The following DPP6 variants were observed in gnomAD, a reference collection of about 807,000 sequenced individuals.
The protein encoded by DPP6 is A-type potassium channel modulatory protein DPP6.
Under a neutral mutation model 122.6 loss-of-function variants are expected in DPP6, and 69 were observed. That is an observed-to-expected ratio of 0.56 (90% CI 0.46 to 0.69). DPP6 has a LOEUF of 0.69. DPP6 is among the 30% of genes least tolerant of loss of function. DPP6 has a pLI of 0.00. For missense variants in DPP6, 928 were observed against 1,116.9 expected, an observed-to-expected ratio of 0.83 and a Z score of 2.41; for synonymous variants, 418 against 433.1, an observed-to-expected ratio of 0.97 and a Z score of 0.43.
intron 1 of DPP6, among the ~76,000 whole-genome samples, chr7:154,242,381 A>AGTGTGTGTGT (rs139152037): frequency 6.7e-6 from 1 of 150,194 alleles, no homozygotes; most frequent in Non-Finnish European, 1.5e-5. Context: ...AGAGGCAATG[A>AGTGTGTGTGT]GTGTGTGTGT....
intron 1 of DPP6, among the ~76,000 whole-genome samples, chr7:154,093,380 C>A (rs1324184825): frequency 2.0e-5 from 3 of 147,588 alleles, no homozygotes; most frequent in African/African-American, 7.6e-5. Flanking sequence ...ACATAACACA[C>A]CACATGCCAC....
intron 1 of DPP6, among the ~76,000 whole-genome samples, chr7:154,382,014 AG>A (rs1813656433): frequency 6.6e-6 from 1 of 151,182 alleles, no homozygotes; most frequent in Non-Finnish European, 1.5e-5. Context: ...CATGCAAACC[AG>A]GTTTTCCTGT....
At chr7:154,204,761 G>A (rs1405795865) in intron 1 of DPP6, among the ~76,000 whole-genome samples, 1 of 150,146 alleles carries the variant, frequency 6.7e-6, no homozygotes, top group Non-Finnish European at 1.5e-5. Flanking sequence ...ACCTAGGACT[G>A]CTCTTAACTA....
intron 1 of DPP6, among the ~76,000 whole-genome samples, chr7:154,365,665 G>A (rs188929068): frequency 2.6e-5 from 4 of 152,138 alleles, no homozygotes; most frequent in African/African-American, 9.7e-5. Context: ...TTAAAAGTGG[G>A]GAAGGGGGCC....
At chr7:154,107,623 C>T (rs1405055562) in intron 1 of DPP6, among the ~76,000 whole-genome samples, 2 of 152,198 alleles carry the variant, frequency 1.3e-5, no homozygotes, top group Non-Finnish European at 2.9e-5. Context: ...TGTTAACTAG[C>T]TTGATATAAG....
At chr7:154,795,694 CTGCCGTG>C (rs1798000908) in intron 11 of DPP6, 144 bp from the exon 12 acceptor site, 6 of 1,125,034 alleles carry the variant, frequency 5.3e-6, no homozygotes, top group East Asian at 2.6e-5. Flanking sequence ...CCTCCCAGAG[CTGCCGTG>C]GCAGCTGTGC....
intron 8 of DPP6, among the ~76,000 whole-genome samples, chr7:154,738,166 A>T (rs1232935071): frequency 1.3e-5 from 2 of 152,216 alleles, no homozygotes; most frequent in Non-Finnish European, 2.9e-5. Flanking sequence ...CAGAGAATTT[A>T]CCATGGAAAA....
At chr7:154,383,371 C>T (rs928243034) in intron 1 of DPP6, among the ~76,000 whole-genome samples, 2 of 152,186 alleles carry the variant, frequency 1.3e-5, no homozygotes, top group Non-Finnish European at 2.9e-5. Context: ...CCTATTTCTT[C>T]TGGCTCCTCT....
chr7:154,125,419 G>A (rs1414300867), intron 1 of DPP6, among the ~76,000 whole-genome samples: 9 of 152,190 alleles, frequency 5.9e-5, no homozygotes, highest in Middle Eastern at 3.4e-3. Flanking sequence ...AAAAGTAGTC[G>A]CATTAGAGAA....
Position 154,892,647 on chromosome 7 carries a change from C to T in DPP6, c.*167C>T. The T allele has an allele frequency of 7.2e-7, 1 of 1,384,048 alleles. No individual in the cohort carries two copies. The highest frequency in any genetic ancestry group is 9.9e-7 in the Non-Finnish European group (1 of 1,006,170). 85.7% of individuals were successfully genotyped at this position (1,384,048 alleles called of 1,614,324 possible). A position where few individuals can be genotyped will look rare whatever the true frequency, so the allele number is the denominator to read the frequency against. On this transcript the variant is annotated 3_prime_UTR_variant, in exon 26 of 26. Transcript: ENST00000377770. ...GGCAGTTTTGCTTGGGAAACAAGCT[C>T]CTTCCCCGGGGTCATCACTCACGGC...
intron 1 of DPP6, among the ~76,000 whole-genome samples, chr7:154,397,354 T>C (rs566444517): frequency 3.0e-4 from 46 of 152,232 alleles, no homozygotes; most frequent in African/African-American, 1.1e-3. Context: ...GAAGAGACAA[T>C]CTGCCTGAGA....
Position 154,018,963 on chromosome 7 carries a change from A to G in DPP6, c.51+131229A>G, listed in dbSNP as rs576534681. The stretch of plus-strand genomic sequence containing the variant: ...AGTTTTAAGTACAGCCCTTAGTGCA[A>G]GTTTGTAGGGGAAATATGGAAAAAT... On this transcript the variant is annotated intron_variant, in intron 1 of 25. Transcript: ENST00000404039. Among the ~76,000 whole-genome samples the G allele has an allele frequency of 4.1e-3, 622 of 152,302 alleles. 2 individuals carry two copies. Among genetic ancestry groups the G allele is most frequent in the Non-Finnish European group, 6.4e-3 (433 of 68,028 alleles).
chr7:154,177,365 G>A (rs1293666407), intron 1 of DPP6, among the ~76,000 whole-genome samples: 1 of 152,212 alleles, frequency 6.6e-6, no homozygotes, highest in Non-Finnish European at 1.5e-5. Flanking sequence ...GAAAACTAAA[G>A]AGACATATGA....
intron 3 of DPP6, among the ~76,000 whole-genome samples, chr7:154,488,155 C>T (rs984129888): frequency 2.6e-5 from 4 of 152,124 alleles, no homozygotes; most frequent in African/African-American, 4.8e-5. Context: ...TGGCCAGGCT[C>T]TTTATTGTAA....
rs566317929 is a variant in DPP6, at chr7:154,833,243, C to T, written c.1667-20537C>T. The stretch of plus-strand genomic sequence containing the variant: ...TCCCAGTGCCCTGCCAGCATATTGT[C>T]GTAGAGACAGGCACACACAGCCAGC... On this transcript the variant is annotated intron_variant, in intron 16 of 25. Coordinates refer to ENST00000377770, the MANE Select transcript of DPP6 (RefSeq NM_130797.4). This position sits in a 1 kb window ranked among gnomAD's most constrained non-coding sequence, Gnocchi z 4.3. 2.6e-5 allele frequency among the ~76,000 whole-genome samples: 4 copies of T among 152,208 alleles called. No homozygotes were observed. The highest frequency in any genetic ancestry group is 2.1e-4 in the South Asian group (1 of 4,824).
intron 1 of DPP6, among the ~76,000 whole-genome samples, chr7:154,359,553 A>G (rs907782850): frequency 6.6e-6 from 1 of 152,006 alleles, no homozygotes; most frequent in Non-Finnish European, 1.5e-5. Flanking sequence ...TGGCTTGCTC[A>G]TTTTCATTTC....
At chr7:154,562,719 C>A (rs1830499810) in intron 4 of DPP6, among the ~76,000 whole-genome samples, 2 of 152,016 alleles carry the variant, frequency 1.3e-5, no homozygotes, top group South Asian at 4.1e-4. Context: ...TCTACCAGAA[C>A]AAATAATTAC....
intron 1 of DPP6, among the ~76,000 whole-genome samples, chr7:154,222,493 T>C (rs1446269441): frequency 6.8e-6 from 1 of 148,136 alleles, no homozygotes; most frequent in Admixed American, 6.6e-5. Context: ...CCATCTCTAC[T>C]AAAAATACAA....
At chr7:154,187,297 T>C (rs893866822) in intron 1 of DPP6, among the ~76,000 whole-genome samples, 2 of 152,228 alleles carry the variant, frequency 1.3e-5, no homozygotes, top group African/African-American at 4.8e-5. Context: ...AGAGCACAGT[T>C]GTTTAAACAA....
Sources: gnomAD v4.1 joint callset for allele counts (sites outside exome capture counted in the v4.1 genomes callset) on GRCh38, gnomAD v4.1.1 for gene constraint, Gnocchi (gnomAD v3.1) non-coding constraint, MANE v1.5 for transcripts, NCBI Gene and HGNC (gene_info 2026-07-23, HGNC 2026-07-21) for gene names.